The following IGBP1 variants were observed in gnomAD, a reference collection of about 807,000 sequenced individuals.
IGBP1 encodes immunoglobulin binding protein 1.
IGBP1 carries 2 observed loss-of-function variants against 25.9 expected under a neutral mutation model. The ratio of observed to expected loss-of-function variants is 0.08; its 90% CI spans 0.03 to 0.24. IGBP1 has a LOEUF of 0.24. Among genes scored for constraint, IGBP1 ranks in the 10% least tolerant of loss-of-function variants. The probability of loss-of-function intolerance (pLI) is 1.00; values close to 1 mark genes in which losing one functional copy is unlikely to be tolerated. For missense variants in IGBP1, 187 were observed against 260.4 expected (o/e 0.72, Z 1.94); for synonymous variants, 96 against 93.4 (o/e 1.03, Z -0.16).
intron 6 of IGBP1, among the ~76,000 whole-genome samples, chrX:70,156,796 C>G (rs1288041299): frequency 9.1e-6 from 1 of 110,437 alleles, no homozygotes; most frequent in Admixed American, 9.7e-5. Flanking sequence ...AAAAATTAGC[C>G]GGGCGTGGTG....
intron 3 of IGBP1, among the ~76,000 whole-genome samples, chrX:70,140,990 T>G (rs1245256772): frequency 1.8e-5 from 2 of 110,594 alleles, no homozygotes; most frequent in Non-Finnish European, 3.8e-5. Flanking sequence ...AGAAAAAAAG[T>G]CAAGGATAAA....
intron 2 of IGBP1, 106 bp from the exon 3 acceptor site, chrX:70,134,417 C>T: frequency 1.2e-6 from 1 of 856,711 alleles, no homozygotes; most frequent in Non-Finnish European, 1.7e-6. Context: ...CGTGCCTCCT[C>T]CCTCTGGTCC....
At position 70,133,779 on chromosome X, in the gene IGBP1, A is replaced by G. The variant is rs2085077107; in HGVS notation, c.-169A>G. On this transcript the variant is annotated 5_prime_UTR_variant, in exon 2 of 7. Coordinates refer to ENST00000356413, the MANE Select transcript of IGBP1 (RefSeq NM_001551.3). The stretch of plus-strand genomic sequence containing the variant: ...AAATGAGTCTATGGAAACGGTTGCC[A>G]GGGCCGGCTAACAGCGGCTCCCGGA... The G allele has an allele frequency of 2.2e-6, 1 of 464,036 alleles. No individual in the cohort carries two copies. The highest frequency in any genetic ancestry group is 3.7e-6 in the Non-Finnish European group (1 of 268,852). 38.2% of individuals were successfully genotyped at this position (464,036 alleles called of 1,213,427 possible). A position where few individuals can be genotyped will look rare whatever the true frequency, so the allele number is the denominator to read the frequency against.
chrX:70,154,648 G>C (rs932324092), intron 6 of IGBP1, among the ~76,000 whole-genome samples: 1 of 90,003 alleles, frequency 1.1e-5, no homozygotes, highest in Non-Finnish European at 2.1e-5. Context: ...GGAGGCCAAA[G>C]TGGGAGGATC....
At chrX:70,143,611 CAG>C (rs896210470) in intron 3 of IGBP1, among the ~76,000 whole-genome samples, 20 of 109,865 alleles carry the variant, frequency 1.8e-4, no homozygotes, top group African/African-American at 6.3e-4. Context: ...TCTAGGGTAA[CAG>C]GGAGTATTTC....
At position 70,139,284 on chromosome X, in the gene IGBP1, T is replaced by C. The variant is rs1459123340; in HGVS notation, c.482+4468T>C. Among the ~76,000 whole-genome samples the C allele has an allele frequency of 4.2e-5, 4 of 95,579 alleles. No homozygotes were observed. In the East Asian group the frequency reaches 1.3e-3, roughly 30 times the overall value. 83.0% of individuals were successfully genotyped at this position (95,579 alleles called of 115,157 possible). A position where few individuals can be genotyped will look rare whatever the true frequency, so the allele number is the denominator to read the frequency against. ...GAGATCGCACCATTGCACTCCAGCC[T>C]GGGCTGGCAACAGCGAGACTCCGTC... is the stretch of plus-strand genomic sequence containing the variant. On this transcript the variant is annotated intron_variant, in intron 3 of 6. Coordinates refer to ENST00000356413, the MANE Select transcript of IGBP1 (RefSeq NM_001551.3).
Position 70,148,815 on chromosome X carries a change from C to T in IGBP1, c.733C>T (p.Leu245Phe). Residue 245 changes from leucine to phenylalanine, a missense_variant, in exon 5 of 7, where the codon CTC becomes TTC. Physicochemically the swap from Leu to Phe is conservative, Grantham distance 22 (BLOSUM62 0). Coordinates refer to ENST00000356413, the MANE Select transcript of IGBP1 (RefSeq NM_001551.3). ...GAGGCCTCCAGTGAAACCCTTCATT[C>T]TCACTCGGAACATGGCTCAAGCCAA... ...QERPPVKPFI[L>F]TRNMAQAKVF... 8.3e-7 allele frequency: 1 copy of T among 1,202,499 alleles called. No homozygotes were observed. The highest frequency in any genetic ancestry group is 1.1e-6 in the Non-Finnish European group (1 of 886,846).
intron 6 of IGBP1, among the ~76,000 whole-genome samples, chrX:70,159,274 T>C (rs1456519352): frequency 9.0e-6 from 1 of 111,567 alleles, no homozygotes; most frequent in Admixed American, 9.5e-5. Context: ...TGAGGAAAAG[T>C]GACATATACT....
At chrX:70,151,900 A>AG (rs2085205748) in intron 6 of IGBP1, among the ~76,000 whole-genome samples, 1 of 111,327 alleles carries the variant, frequency 9.0e-6, no homozygotes. Flanking sequence ...AAAATGAGGA[A>AG]GTAGTCACTG....
intron 6 of IGBP1, among the ~76,000 whole-genome samples, chrX:70,153,773 G>A (rs2085217827): frequency 1.8e-5 from 2 of 111,677 alleles, no homozygotes; most frequent in Non-Finnish European, 1.9e-5. Context: ...AGCTTGGATG[G>A]GACTAGATAA....
chrX:70,137,044 T>G (rs2085099400), intron 3 of IGBP1, among the ~76,000 whole-genome samples: 1 of 111,460 alleles, frequency 9.0e-6, no homozygotes, highest in Non-Finnish European at 1.9e-5. Flanking sequence ...ACATTTGCAT[T>G]TTAGCTAGTA....
At chrX:70,138,766 C>T (rs764318123) in intron 3 of IGBP1, among the ~76,000 whole-genome samples, 97 of 111,562 alleles carry the variant, frequency 8.7e-4, no homozygotes, top group African/African-American at 3.0e-3. Context: ...TTGAATGTTC[C>T]ATGCTCTAGT....
chrX:70,134,132 T>G lies in IGBP1; in HGVS notation c.185T>G (p.Phe62Cys). ...GAAATGTTATCGCAGCTCGACTTGT[T>G]CAGGTATGGGGGAAGATAGTAATAA... The part of the protein sequence containing the change: ...AAEMLSQLDL[F>C]SRNEDLEEIA... The change falls in exon 2 of 7, where the codon TTC (phenylalanine) becomes TGC (cysteine). Residue 62 changes from phenylalanine to cysteine, a missense_variant. Transcript: ENST00000356413. The G allele has an allele frequency of 8.3e-7, 1 of 1,207,825 alleles. No individual in the cohort carries two copies. Among genetic ancestry groups the G allele is most frequent in the Non-Finnish European group, 1.1e-6 (1 of 891,573 alleles).
chrX:70,156,161 T>TG (rs2085238937), intron 6 of IGBP1, among the ~76,000 whole-genome samples: 1 of 110,041 alleles, frequency 9.1e-6, no homozygotes, highest in Non-Finnish European at 1.9e-5. Context: ...AATGAAATAA[T>TG]GAAAAAGTTT....
intron 6 of IGBP1, among the ~76,000 whole-genome samples, chrX:70,152,289 A>G (rs1170225364): frequency 1.8e-5 from 2 of 112,178 alleles, no homozygotes; most frequent in Admixed American, 9.5e-5. Context: ...AAATAACTGA[A>G]TGGAGAATTC....
intron 3 of IGBP1, among the ~76,000 whole-genome samples, chrX:70,137,650 G>A (rs1160484699): frequency 9.6e-6 from 1 of 104,628 alleles, no homozygotes; most frequent in Non-Finnish European, 1.9e-5. Context: ...AGACTGATAC[G>A]AAATGGAATT....
chrX:70,145,935 T>C (rs1052927351), intron 3 of IGBP1, among the ~76,000 whole-genome samples: 1 of 112,195 alleles, frequency 8.9e-6, no homozygotes, highest in Non-Finnish European at 1.9e-5. Flanking sequence ...CTAACTCATC[T>C]ATTTCTTTTT....
intron 6 of IGBP1, among the ~76,000 whole-genome samples, chrX:70,160,910 C>T (rs1338638168): frequency 2.7e-5 from 3 of 111,960 alleles, no homozygotes; most frequent in Non-Finnish European, 3.8e-5. Flanking sequence ...ATTCTATCAT[C>T]CTCTGTCTTT....
intron 6 of IGBP1, among the ~76,000 whole-genome samples, chrX:70,157,377 G>A (rs1244691217): frequency 9.0e-6 from 1 of 111,091 alleles, no homozygotes; most frequent in Non-Finnish European, 1.9e-5. Flanking sequence ...ACAAAAATTG[G>A]ACACGTGTAT....
Sources: allele counts gnomAD v4.1 joint callset (sites outside exome capture counted in the v4.1 genomes callset), GRCh38; gene constraint gnomAD v4.1.1; transcripts MANE v1.5; gene names NCBI Gene and HGNC (gene_info 2026-07-23, HGNC 2026-07-21).